DPP6: variants seen among roughly 807,000 people sequenced by gnomAD.
The protein encoded by DPP6 is dipeptidyl peptidase like 6.
Under a neutral mutation model 122.6 loss-of-function variants are expected in DPP6, and 69 were observed. The observed-to-expected ratio is 0.56, with a 90% CI of 0.46 to 0.69. The LOEUF (loss-of-function observed/expected upper bound fraction) is 0.69. Ranked by LOEUF, DPP6 falls within the 30% of genes least tolerant of loss-of-function variation. DPP6 has a pLI of 0.00. For synonymous variants in DPP6, 418 were observed against 433.1 expected (o/e 0.97, Z 0.43); for missense variants, 928 against 1,116.9 (o/e 0.83, Z 2.41).
chr7:154,078,148 C>T (rs1293426647), intron 1 of DPP6, among the ~76,000 whole-genome samples: 1 of 151,982 alleles, frequency 6.6e-6, no homozygotes, highest in Non-Finnish European at 1.5e-5. Flanking sequence ...TCATCTCTTT[C>T]ATGTTTTGAT....
At chr7:154,090,541 C>G (rs76172547) in intron 1 of DPP6, among the ~76,000 whole-genome samples, 10,454 of 152,194 alleles carry the variant, frequency 0.069, 449 homozygotes, top group Middle Eastern at 0.15. Flanking sequence ...AATACAGACC[C>G]CTTGTGTATC....
chr7:154,892,533 G>C lies in DPP6; in HGVS notation c.*53G>C. 1 of 1,601,180 alleles carries C rather than the reference G, an allele frequency of 6.2e-7. No individual in the cohort carries two copies. The highest frequency in any genetic ancestry group is 1.7e-5 in the Admixed American group (1 of 59,670). On this transcript the variant is annotated 3_prime_UTR_variant, in exon 26 of 26. Coordinates refer to ENST00000377770, the MANE Select transcript of DPP6 (RefSeq NM_130797.4). ...GCTCTTTCTACAACCAGATGCAACCGAGGGATTTCCCTGCCCTCCCTCTTC... is the reference window on the plus strand; with the variant it reads ...GCTCTTTCTACAACCAGATGCAACCCAGGGATTTCCCTGCCCTCCCTCTTC...
intron 1 of DPP6, among the ~76,000 whole-genome samples, chr7:154,236,975 AC>A (rs1801257306): frequency 6.6e-6 from 1 of 151,404 alleles, no homozygotes; most frequent in Non-Finnish European, 1.5e-5. Flanking sequence ...CCCTTTACTC[AC>A]CCCCTGTGTC....
chr7:154,595,245 G>T (rs1193445746), intron 5 of DPP6, among the ~76,000 whole-genome samples: 1 of 151,894 alleles, frequency 6.6e-6, no homozygotes, highest in African/African-American at 2.4e-5. Flanking sequence ...CTCCTTTTCT[G>T]CACTCAGCCT....
chr7:154,036,742 G>A (rs1177697854), intron 1 of DPP6, among the ~76,000 whole-genome samples: 2 of 151,860 alleles, frequency 1.3e-5, no homozygotes, highest in African/African-American at 2.4e-5. Context: ...CAAAACTGCC[G>A]CTTTGGTAGT....
At chr7:154,724,650 C>T (rs1841980173) in intron 7 of DPP6, among the ~76,000 whole-genome samples, 1 of 152,138 alleles carries the variant, frequency 6.6e-6, no homozygotes, top group Non-Finnish European at 1.5e-5. Context: ...CAGGAGCTGG[C>T]TCCTGGCCTC....
At position 154,540,542 on chromosome 7, in the gene DPP6, C is replaced by T; in HGVS notation, c.468C>T (p.Phe156=). 2 of 1,604,490 alleles carry T rather than the reference C, an allele frequency of 1.2e-6. No homozygotes were observed. The highest frequency in any genetic ancestry group is 1.7e-6 in the Non-Finnish European group (2 of 1,173,568). ...PEAKWISDTE[F]IYREQKGTVR... is the part of the protein sequence containing the mutation. ...CTTCCTCTCTTACAGATACAGAATT[C>T]ATCTACAGAGAACAGAAAGGAACAG... The change falls in exon 4 of 26, where the codon TTC becomes TTT. Residue 156 remains phenylalanine, a synonymous_variant. Transcript: ENST00000377770.
At chr7:154,860,059 T>A (rs376781401) in intron 17 of DPP6, among the ~76,000 whole-genome samples, 24 of 152,272 alleles carry the variant, frequency 1.6e-4, no homozygotes, top group Middle Eastern at 6.8e-3. Context: ...CCTACTCTCT[T>A]CATTTGGGTC....
chr7:153,961,058 T>C (rs1016083939), intron 1 of DPP6, among the ~76,000 whole-genome samples: 3 of 149,376 alleles, frequency 2.0e-5, no homozygotes, highest in African/African-American at 7.5e-5. Flanking sequence ...CCCTAACACC[T>C]TCTTTTATGA....
At chr7:153,843,778 A>G in the DPP6 span, among the ~76,000 whole-genome samples, 1 of 152,164 alleles carries the variant, frequency 6.6e-6, no homozygotes, top group Non-Finnish European at 1.5e-5. Context: ...TCTTTCCATA[A>G]CCTATGATTA....
intron 1 of DPP6, among the ~76,000 whole-genome samples, chr7:154,100,634 G>T (rs1805664000): frequency 1.2e-5 from 1 of 85,266 alleles, no homozygotes; most frequent in Non-Finnish European, 2.2e-5. Flanking sequence ...GCCTTCCGAG[G>T]CTTCCGCACT....
Position 154,685,189 on chromosome 7 carries a change from C to T in DPP6, c.762+15748C>T, listed in dbSNP as rs371736094. ...TCAGCTGGCCTTTCCCCTCCTGTCTCATAAAGAAAAATGCCAATGTATTCG... is the reference window on the plus strand; with the variant it reads ...TCAGCTGGCCTTTCCCCTCCTGTCTTATAAAGAAAAATGCCAATGTATTCG... On this transcript the variant is annotated intron_variant, in intron 7 of 25. Transcript: ENST00000377770. Among the ~76,000 whole-genome samples, 9 of 152,308 alleles carry T rather than the reference C, an allele frequency of 5.9e-5. No homozygotes were observed. The East Asian group carries it at 7.7e-4, about 13-fold the overall frequency.
intron 1 of DPP6, among the ~76,000 whole-genome samples, chr7:154,244,327 T>C (rs1042205852): frequency 6.6e-6 from 1 of 152,062 alleles, no homozygotes; most frequent in African/African-American, 2.4e-5. Flanking sequence ...AATAAAGACA[T>C]TTTCAGATAA....
At chr7:154,369,254 C>T (rs943119299) in intron 1 of DPP6, among the ~76,000 whole-genome samples, 22 of 152,236 alleles carry the variant, frequency 1.4e-4, no homozygotes, top group African/African-American at 4.6e-4. Flanking sequence ...ACCACCACGC[C>T]CAGCTAGTTT....
At chr7:153,977,734 G>A (rs1390526270) in intron 1 of DPP6, among the ~76,000 whole-genome samples, 2 of 151,868 alleles carry the variant, frequency 1.3e-5, no homozygotes, top group Non-Finnish European at 2.9e-5. Context: ...AGACCCCAGT[G>A]TGTGATGTTC....
At chr7:154,355,109 G>A (rs1322986071) in intron 1 of DPP6, among the ~76,000 whole-genome samples, 1 of 152,164 alleles carries the variant, frequency 6.6e-6, no homozygotes, top group East Asian at 1.9e-4. Flanking sequence ...GGTGACTTGA[G>A]CACCTTTTTA....
At chr7:154,005,855 T>C (rs1211427198) in intron 1 of DPP6, among the ~76,000 whole-genome samples, 2 of 151,986 alleles carry the variant, frequency 1.3e-5, no homozygotes, top group Non-Finnish European at 2.9e-5. Context: ...CATCCCAGAG[T>C]GTTGGCGGCT....
chr7:154,131,397 T>C (rs1387904320), intron 1 of DPP6, among the ~76,000 whole-genome samples: 1 of 152,228 alleles, frequency 6.6e-6, no homozygotes, highest in African/African-American at 2.4e-5. Context: ...CCTTTTCCCT[T>C]CAGATATTCT....
chr7:154,541,268 C>T (rs1828702239), intron 4 of DPP6, among the ~76,000 whole-genome samples: 1 of 152,160 alleles, frequency 6.6e-6, no homozygotes, highest in African/African-American at 2.4e-5. Context: ...GTAGCTGGGA[C>T]TACAGGCGTG....
Sources: allele counts gnomAD v4.1 joint callset (sites outside exome capture counted in the v4.1 genomes callset), GRCh38; gene constraint gnomAD v4.1.1; transcripts MANE v1.5; gene names NCBI Gene and HGNC (gene_info 2026-07-23, HGNC 2026-07-21).